Variants in CYP2C8 observed in about 807,000 individuals in gnomAD.
CYP2C8 encodes the protein cytochrome P450 2C8.
CYP2C8 carries 51 observed loss-of-function variants against 41.3 expected under a neutral mutation model. The observed-to-expected ratio is 1.24, with a 90% CI of 0.99 to 1.56. The LOEUF (loss-of-function observed/expected upper bound fraction) is 1.56. CYP2C8 is among the 40% of genes most tolerant of loss of function. The pLI, the probability that CYP2C8 is intolerant of heterozygous loss-of-function variation, is 0.00. For synonymous variants in CYP2C8, 218 were observed against 205.8 expected (o/e 1.06, Z -0.51); for missense variants, 651 against 579.9 (o/e 1.12, Z -1.26).
In CYP2C8 at chr10:95,069,386, A is replaced by G; in HGVS notation, c.17T>C (p.Val6Ala). 6.2e-7 allele frequency: 1 copy of G among 1,614,122 alleles called. No homozygotes were observed. The highest frequency in any genetic ancestry group is 8.5e-7 in the Non-Finnish European group (1 of 1,180,024). Residue 6 changes from valine (V) to alanine (A), a missense_variant, in exon 1 of 9, where the codon GTC becomes GCC. Transcript: ENST00000371270. MEPFV[V>A]LVLCLSFMLL... is the part of the protein sequence containing the mutation. ...CATAAAAGAGAGACACAGCACCAGG[A>G]CCACAAAAGGTTCCATTGAAGCCTT...
chr10:95,064,960 G>A lies in CYP2C8; in HGVS notation c.482C>T (p.Ala161Val). 2 of 1,475,366 alleles carry A rather than the reference G, an allele frequency of 1.4e-6. No homozygotes were observed. Among genetic ancestry groups the A allele is most frequent in the Non-Finnish European group, 1.8e-6 (2 of 1,112,324 alleles). The allele number at this position is 1,475,366 out of a possible 1,614,324, so 91.4% of individuals were successfully genotyped here. The change falls in exon 4 of 9, where the codon GCT becomes GTT. Residue 161 changes from alanine (A) to valine (V), a missense_variant and splice_region_variant. By Grantham distance (64) the Ala-to-Val change is moderately conservative. Transcript: ENST00000371270. ...GATGAAAGTGGGATCACAGGGTGAA[G>A]CTAAAGATTTAAAAATTTTTAAAAA... Reference protein sequence around the residue: ...CLVEELRKTKASPCDPTFILG... With the variant: ...CLVEELRKTKVSPCDPTFILG...
chr10:95,064,202 G>T (rs930804699), intron 4 of CYP2C8, among the ~76,000 whole-genome samples: 3 of 152,172 alleles, frequency 2.0e-5, no homozygotes, highest in Admixed American at 1.3e-4. Context: ...GCTGCCTTTT[G>T]TTCAGCTATG....
intron 4 of CYP2C8, among the ~76,000 whole-genome samples, chr10:95,058,741 C>T (rs1426182635): frequency 6.6e-6 from 1 of 151,942 alleles, no homozygotes; most frequent in East Asian, 1.9e-4. Context: ...TGTACTGCAC[C>T]CAATAACTCG....
intron 5 of CYP2C8, among the ~76,000 whole-genome samples, chr10:95,051,616 T>C (rs1435936204): frequency 6.6e-6 from 1 of 152,102 alleles, no homozygotes; most frequent in Non-Finnish European, 1.5e-5. Flanking sequence ...TCTGCTAGGG[T>C]TTTTATAGTT....
intron 5 of CYP2C8, among the ~76,000 whole-genome samples, chr10:95,052,404 T>G (rs1028572369): frequency 2.6e-5 from 4 of 152,012 alleles, no homozygotes; most frequent in Non-Finnish European, 5.9e-5. Flanking sequence ...CTACTCAAAC[T>G]ATTCCACAAA....
chr10:95,048,265 A>G (rs953813725), intron 5 of CYP2C8, among the ~76,000 whole-genome samples: 2 of 152,182 alleles, frequency 1.3e-5, no homozygotes, highest in African/African-American at 4.8e-5. Flanking sequence ...GAACATTGAC[A>G]TCTTTGTCAG....
intron 5 of CYP2C8, among the ~76,000 whole-genome samples, chr10:95,056,902 CA>C (rs2033324999): frequency 6.6e-6 from 1 of 152,092 alleles, no homozygotes; most frequent in African/African-American, 2.4e-5. Flanking sequence ...AATTCAAAGG[CA>C]ACTCAGAGGT....
chr10:95,039,265 T>C (rs2032950206), intron 7 of CYP2C8: 1 of 525,698 alleles, frequency 1.9e-6, no homozygotes, highest in South Asian at 2.1e-5. Context: ...TGCAACCTTC[T>C]GAATGTGTTC....
rs2032899275 is a variant in CYP2C8 at position 95,037,147 on chromosome 10, A to T, written c.1454T>A (p.Ile485Asn). ...GIVSLPPSYQICFIPV is the reference protein window; with the variant it reads ...GIVSLPPSYQNCFIPV ...CATTCTTCAGACAGGGATGAAGCAG[A>T]TCTGGTATGAGGGTGGCAGAGAAAC... Residue 485 changes from isoleucine (I) to asparagine (N), a missense_variant, in exon 9 of 9, where the codon ATC becomes AAC. Ile to Asn is a moderately radical substitution (Grantham distance 149, BLOSUM62 -3). Coordinates refer to ENST00000371270, the MANE Select transcript of CYP2C8 (RefSeq NM_000770.3). 6.2e-7 allele frequency: 1 copy of T among 1,613,970 alleles called. No homozygotes were observed. The highest frequency in any genetic ancestry group is 2.2e-5 in the East Asian group (1 of 44,882).
chr10:95,041,510 G>C (rs1297166148), intron 7 of CYP2C8, among the ~76,000 whole-genome samples: 1 of 152,116 alleles, frequency 6.6e-6, no homozygotes, highest in Non-Finnish European at 1.5e-5. Flanking sequence ...GGCCGGGCGC[G>C]GTGGCTCACG....
intron 4 of CYP2C8, among the ~76,000 whole-genome samples, chr10:95,060,838 G>A (rs2033412678): frequency 6.6e-6 from 1 of 152,138 alleles, no homozygotes; most frequent in Non-Finnish European, 1.5e-5. Flanking sequence ...AATTTATTGA[G>A]TGTTTTTAGA....
chr10:95,052,771 AC>A (rs372394326), intron 5 of CYP2C8, among the ~76,000 whole-genome samples: 348 of 152,098 alleles, frequency 2.3e-3, no homozygotes, highest in Non-Finnish European at 4.3e-3. Flanking sequence ...CCTAAAAAAA[AC>A]AGGGTATAGA....
chr10:95,060,296 G>A (rs2033400179), intron 4 of CYP2C8, among the ~76,000 whole-genome samples: 1 of 152,132 alleles, frequency 6.6e-6, no homozygotes, highest in Non-Finnish European at 1.5e-5. Context: ...TCTTCCATTT[G>A]TTTGTAGCCT....
intron 7 of CYP2C8, among the ~76,000 whole-genome samples, chr10:95,042,457 C>A (rs2033022610): frequency 6.6e-6 from 1 of 151,614 alleles, no homozygotes; most frequent in Non-Finnish European, 1.5e-5. Context: ...CTAGGAAAAA[C>A]CTAATAAAAG....
intron 6 of CYP2C8, among the ~76,000 whole-genome samples, chr10:95,043,597 A>C (rs773967262): frequency 6.6e-6 from 1 of 152,148 alleles, no homozygotes; most frequent in Non-Finnish European, 1.5e-5. Flanking sequence ...TTGTATTTCT[A>C]AATAACCACT....
intron 4 of CYP2C8, among the ~76,000 whole-genome samples, chr10:95,062,736 T>C (rs2033465918): frequency 6.6e-6 from 1 of 152,154 alleles, no homozygotes; most frequent in Non-Finnish European, 1.5e-5. Context: ...TTCCGAGCCT[T>C]GATGGTCTTT....
intron 7 of CYP2C8, among the ~76,000 whole-genome samples, chr10:95,039,754 A>G (rs1014606533): frequency 7.9e-5 from 12 of 152,206 alleles, no homozygotes; most frequent in Admixed American, 7.8e-4. Flanking sequence ...AACCCCTACA[A>G]TGGTAAGATC....
intron 4 of CYP2C8, 144 bp downstream of exon 4, chr10:95,064,656 T>C: frequency 1.2e-6 from 1 of 816,880 alleles, no homozygotes; most frequent in Admixed American, 2.7e-5. Flanking sequence ...GAACAGGAAA[T>C]CAAAGGTGGT....
At chr10:95,066,468 C>T (rs972584086) in intron 3 of CYP2C8, among the ~76,000 whole-genome samples, 7 of 151,910 alleles carry the variant, frequency 4.6e-5, no homozygotes, top group African/African-American at 1.7e-4. Context: ...TCTAGTTAAA[C>T]AAATTATTTA....
Sources: allele counts gnomAD v4.1 joint callset (sites outside exome capture counted in the v4.1 genomes callset), GRCh38; gene constraint gnomAD v4.1.1; transcripts MANE v1.5; gene names NCBI Gene and HGNC (gene_info 2026-07-23, HGNC 2026-07-21).